The following CWC27 variants were observed in gnomAD, a reference collection of about 807,000 sequenced individuals.
CWC27 encodes the protein CWC27 spliceosome associated cyclophilin.
In CWC27, 47 loss-of-function variants were observed where a neutral mutation model predicts 63.6. That is an observed-to-expected ratio of 0.74 (90% CI 0.58 to 0.94). The LOEUF (loss-of-function observed/expected upper bound fraction) is 0.94. Ranked by LOEUF, CWC27 falls within the 40% of genes least tolerant of loss-of-function variation. CWC27 has a pLI of 0.00. For missense variants in CWC27, 495 were observed against 554.3 expected, an observed-to-expected ratio of 0.89 and a Z score of 1.07; for synonymous variants, 175 against 179.8, an observed-to-expected ratio of 0.97 and a Z score of 0.22.
At chr5:64,852,335 T>G (rs1305899838) in intron 10 of CWC27, among the ~76,000 whole-genome samples, 18 of 152,242 alleles carry the variant, frequency 1.2e-4, no homozygotes, top group Non-Finnish European at 2.1e-4. Flanking sequence ...AAATGGCTAC[T>G]AATAAAATAG....
rs1318245988 is a variant in CWC27 at position 64,857,788 on chromosome 5, G to C, written c.939-27655G>C. Among the ~76,000 whole-genome samples, 3 of 152,124 alleles carry C rather than the reference G, an allele frequency of 2.0e-5. No homozygotes were observed. In the East Asian group the frequency reaches 5.8e-4, roughly 29 times the overall value. ...TTTCAGTATCAGTTGCACTTTAAGG[G>C]AATAGCAGGAACTTCAACAAAGTTT... is the stretch of plus-strand genomic sequence containing the variant. On this transcript the variant is annotated intron_variant, in intron 10 of 13. Coordinates refer to ENST00000381070, the MANE Select transcript of CWC27 (RefSeq NM_005869.4).
intron 7 of CWC27, among the ~76,000 whole-genome samples, chr5:64,791,768 C>A (rs1019878402): frequency 6.6e-6 from 1 of 152,088 alleles, no homozygotes; most frequent in African/African-American, 2.4e-5. Context: ...AACTCACTAT[C>A]TTTTTCTTCT....
intron 10 of CWC27, among the ~76,000 whole-genome samples, chr5:64,844,195 C>G (rs1745915812): frequency 6.6e-6 from 1 of 152,186 alleles, no homozygotes; most frequent in African/African-American, 2.4e-5. Context: ...ATCCAGCATA[C>G]CTAGCATTCT....
At chr5:64,829,409 A>T (rs1745453169) in intron 10 of CWC27, among the ~76,000 whole-genome samples, 1 of 152,238 alleles carries the variant, frequency 6.6e-6, no homozygotes, top group East Asian at 1.9e-4. Flanking sequence ...AATTTGAAAA[A>T]TTTAATTTGG....
chr5:65,004,899 T>C (rs1426440449), intron 13 of CWC27, among the ~76,000 whole-genome samples: 1,385 of 64,652 alleles, frequency 0.021, 64 homozygotes, highest in African/African-American at 0.071. Flanking sequence ...TATATATATA[T>C]ATATATACAT....
intron 11 of CWC27, among the ~76,000 whole-genome samples, chr5:64,945,176 C>T (rs1042863641): frequency 2.0e-5 from 3 of 152,134 alleles, no homozygotes; most frequent in African/African-American, 7.2e-5. Flanking sequence ...CTCAATGAGA[C>T]TTTCTTTGAC....
chr5:64,807,496 C>T, intron 10 of CWC27: 4 of 1,376,702 alleles, frequency 2.9e-6, no homozygotes, highest in Non-Finnish European at 3.8e-6. Flanking sequence ...CCTAGTTTCT[C>T]TCCTTAGAGA....
chr5:64,817,053 C>A (rs1301328179), intron 10 of CWC27, among the ~76,000 whole-genome samples: 1 of 152,118 alleles, frequency 6.6e-6, no homozygotes, highest in East Asian at 1.9e-4. Flanking sequence ...CACTCTGTGT[C>A]CTGGTCCTCA....
chr5:64,819,365 A>C (rs574627819), intron 10 of CWC27, among the ~76,000 whole-genome samples: 235 of 152,160 alleles, frequency 1.5e-3, no homozygotes, highest in African/African-American at 5.3e-3. Context: ...CCGAACCTAA[A>C]ATAAAGTTAA....
At chr5:64,901,974 C>A (rs1215305377) in intron 11 of CWC27, among the ~76,000 whole-genome samples, 19 of 152,218 alleles carry the variant, frequency 1.2e-4, no homozygotes, top group Non-Finnish European at 2.1e-4. Flanking sequence ...ACTGATGGGT[C>A]TTCAGGGGCA....
intron 13 of CWC27, among the ~76,000 whole-genome samples, chr5:64,989,544 A>G (rs1580767583): frequency 1.3e-5 from 2 of 152,206 alleles, no homozygotes; most frequent in South Asian, 4.1e-4. Flanking sequence ...AAGTTGAAAA[A>G]CAGTACCTTA....
chr5:64,966,764 A>C (rs1749021246), intron 11 of CWC27, among the ~76,000 whole-genome samples: 1 of 152,136 alleles, frequency 6.6e-6, no homozygotes. Context: ...TGTCTTAAGA[A>C]TATCTTGTGA....
intron 10 of CWC27, among the ~76,000 whole-genome samples, chr5:64,862,424 A>C (rs1418873210): frequency 6.6e-6 from 1 of 152,228 alleles, no homozygotes; most frequent in Non-Finnish European, 1.5e-5. Flanking sequence ...TGGATTAAAC[A>C]ATGATTGATA....
chr5:64,936,450 T>C (rs1473057655), intron 11 of CWC27, among the ~76,000 whole-genome samples: 1 of 152,198 alleles, frequency 6.6e-6, no homozygotes, highest in African/African-American at 2.4e-5. Context: ...GGGATTTAGC[T>C]GACTTGATCG....
At chr5:64,923,619 G>A (rs1030023628) in intron 11 of CWC27, among the ~76,000 whole-genome samples, 23 of 142,610 alleles carry the variant, frequency 1.6e-4, no homozygotes, top group African/African-American at 5.5e-4. Flanking sequence ...TATCTAGTCG[G>A]CCGTCTTTGT....
intron 10 of CWC27, chr5:64,807,994 G>T: frequency 2.9e-6 from 4 of 1,388,118 alleles, no homozygotes; most frequent in South Asian, 1.7e-5. Flanking sequence ...ATAATCGACT[G>T]GCTACTTTCC....
At chr5:64,793,510 C>T (rs1744149459) in intron 7 of CWC27, among the ~76,000 whole-genome samples, 2 of 152,044 alleles carry the variant, frequency 1.3e-5, no homozygotes, top group Admixed American at 1.3e-4. Context: ...CAGTTTTTTA[C>T]ACTACCAGCA....
At chr5:64,781,862 G>T in intron 2 of CWC27, 59 bp from the exon 3 acceptor site, 1 of 798,032 alleles carries the variant, frequency 1.3e-6, no homozygotes, top group Non-Finnish European at 2.0e-6. Flanking sequence ...TATTAATTTT[G>T]GTAACTGTAG....
chr5:64,790,250 G>C (rs555453222), intron 7 of CWC27, among the ~76,000 whole-genome samples: 3 of 152,164 alleles, frequency 2.0e-5, no homozygotes, highest in African/African-American at 7.2e-5. Context: ...GTTGCTTTAG[G>C]AAAGGTCTCT....
Sources: gnomAD v4.1 joint callset for allele counts (sites outside exome capture counted in the v4.1 genomes callset) on GRCh38, gnomAD v4.1.1 for gene constraint, MANE v1.5 for transcripts, NCBI Gene and HGNC (gene_info 2026-07-23, HGNC 2026-07-21) for gene names.